The following NFIB variants were observed in gnomAD, a reference collection of about 807,000 sequenced individuals.
The protein encoded by NFIB is nuclear factor I B.
A neutral mutation model predicts 61.5 loss-of-function variants in NFIB; 11 were observed. The observed-to-expected ratio is 0.18, with a 90% confidence interval of 0.11 to 0.30. The LOEUF (loss-of-function observed/expected upper bound fraction) is 0.30, where lower values mean the gene tolerates loss of function less well. NFIB is among the 10% of genes least tolerant of loss of function. The pLI, the probability that NFIB is intolerant of heterozygous loss-of-function variation, is 1.00. For missense variants in NFIB, 471 were observed against 608.9 expected, an observed-to-expected ratio of 0.77 and a Z score of 2.38; for synonymous variants, 260 against 216.5, an observed-to-expected ratio of 1.20 and a Z score of -1.76.
intron 2 of NFIB, among the ~76,000 whole-genome samples, chr9:14,222,151 T>G (rs2051751693): frequency 6.6e-6 from 1 of 152,236 alleles, no homozygotes; most frequent in Non-Finnish European, 1.5e-5. Flanking sequence ...TGTTTCCAGT[T>G]CATCTTTCCA....
intron 1 of NFIB, among the ~76,000 whole-genome samples, chr9:14,326,038 A>T (rs2060748308): frequency 6.6e-6 from 1 of 152,216 alleles, no homozygotes; most frequent in Non-Finnish European, 1.5e-5. Context: ...TTAAATTAGG[A>T]CATTTATAAA....
intron 2 of NFIB, among the ~76,000 whole-genome samples, chr9:14,291,941 T>G: frequency 6.6e-6 from 1 of 152,170 alleles, no homozygotes; most frequent in East Asian, 1.9e-4. Flanking sequence ...TGCAATTTAG[T>G]GTATCTTCCA....
At chr9:14,305,315 C>T (rs1321528515) in intron 2 of NFIB, among the ~76,000 whole-genome samples, 1 of 152,152 alleles carries the variant, frequency 6.6e-6, no homozygotes, top group East Asian at 1.9e-4. Flanking sequence ...TCCCTCCCTG[C>T]ACTAAAAAGT....
chr9:14,403,143 C>A (rs1282758828), upstream of NFIB, among the ~76,000 whole-genome samples: 1 of 152,178 alleles, frequency 6.6e-6, no homozygotes, highest in African/African-American at 2.4e-5. Context: ...TTTATCCCAG[C>A]CCCTTTTCAA....
At chr9:14,225,622 T>C (rs2052297532) in intron 2 of NFIB, among the ~76,000 whole-genome samples, 1 of 148,388 alleles carries the variant, frequency 6.7e-6, no homozygotes, top group South Asian at 2.1e-4. Context: ...AGAAACAACA[T>C]GAAAAAATCA....
At chr9:14,372,092 TG>T (rs2061364642) in intron 1 of NFIB, among the ~76,000 whole-genome samples, 1 of 151,554 alleles carries the variant, frequency 6.6e-6, no homozygotes, top group Admixed American at 6.6e-5. Context: ...ACCATCTGAA[TG>T]TCAGCCCTGC....
intron 2 of NFIB, among the ~76,000 whole-genome samples, chr9:14,259,022 G>A (rs1490620095): frequency 6.6e-6 from 1 of 152,116 alleles, no homozygotes; most frequent in Admixed American, 6.6e-5. Context: ...TGGGGAGTGG[G>A]GGAGTGGTAT....
At chr9:14,247,137 T>C (rs1224836415) in intron 2 of NFIB, among the ~76,000 whole-genome samples, 1 of 152,156 alleles carries the variant, frequency 6.6e-6, no homozygotes, top group Admixed American at 6.5e-5. Context: ...AGAAAAGAAA[T>C]TTCTACCATT....
the NFIB span, among the ~76,000 whole-genome samples, chr9:14,438,729 G>T: frequency 6.6e-6 from 1 of 152,148 alleles, no homozygotes; most frequent in Admixed American, 6.5e-5. Flanking sequence ...GGTGGGCCAG[G>T]CCTCTATTTG....
the NFIB span, among the ~76,000 whole-genome samples, chr9:14,528,611 A>C: frequency 2.0e-5 from 3 of 152,284 alleles, no homozygotes; most frequent in South Asian, 6.2e-4. Flanking sequence ...AAGTAAACTT[A>C]CAAATGTTCT....
chr9:14,150,303 C>T (rs371447154), intron 4 of NFIB, 38 bp from the exon 5 acceptor site: 3 of 1,611,908 alleles, frequency 1.9e-6, no homozygotes, highest in Middle Eastern at 1.7e-4. Flanking sequence ...GAATGACATT[C>T]GTATTTCTGA....
chr9:14,357,577 A>G (rs2061191070), intron 1 of NFIB: 1 of 152,228 alleles, frequency 6.6e-6, no homozygotes, highest in African/African-American at 2.4e-5. Flanking sequence ...GATATTTCTG[A>G]GTTAACTCCT....
intron 2 of NFIB, among the ~76,000 whole-genome samples, chr9:14,245,888 T>G (rs912371373): frequency 6.6e-6 from 1 of 151,848 alleles, no homozygotes; most frequent in Non-Finnish European, 1.5e-5. Flanking sequence ...ATGATAATAA[T>G]AATAAGTACA....
the NFIB span, among the ~76,000 whole-genome samples, chr9:14,523,525 G>A: frequency 8.6e-5 from 13 of 152,026 alleles, no homozygotes; most frequent in East Asian, 1.9e-3. Context: ...TCCCGACATC[G>A]CCATAAATGT....
chr9:14,363,139 C>T (rs1479266186), intron 1 of NFIB, among the ~76,000 whole-genome samples: 4 of 152,066 alleles, frequency 2.6e-5, no homozygotes, highest in Non-Finnish European at 5.9e-5. Context: ...AGAAGTTGCA[C>T]CAAATTTTAG....
At chr9:14,148,402 C>T (rs1465503916) in intron 5 of NFIB, among the ~76,000 whole-genome samples, 1 of 152,102 alleles carries the variant, frequency 6.6e-6, no homozygotes, top group African/African-American at 2.4e-5. Context: ...CTGTGAGTCA[C>T]TGTGCCCAGT....
At chr9:14,527,150 C>T in the NFIB span, among the ~76,000 whole-genome samples, 2 of 151,616 alleles carry the variant, frequency 1.3e-5, no homozygotes, top group African/African-American at 4.8e-5. Context: ...AATGGTACCA[C>T]AAATGAAAAT....
At chr9:14,513,111 TTC>T in the NFIB span, among the ~76,000 whole-genome samples, 3 of 152,142 alleles carry the variant, frequency 2.0e-5, no homozygotes, top group African/African-American at 7.2e-5. Flanking sequence ...GCAGAAAGTA[TTC>T]TTTTATTAAA....
At chr9:14,173,957 T>C (rs2045863107) in intron 3 of NFIB, among the ~76,000 whole-genome samples, 1 of 152,196 alleles carries the variant, frequency 6.6e-6, no homozygotes, top group Non-Finnish European at 1.5e-5. Flanking sequence ...GTGGGCTGTA[T>C]ACAAGTTCCC....
Sources: gnomAD v4.1 joint callset for allele counts (sites outside exome capture counted in the v4.1 genomes callset) on GRCh38, gnomAD v4.1.1 for gene constraint, MANE v1.5 for transcripts, NCBI Gene and HGNC (gene_info 2026-07-23, HGNC 2026-07-21) for gene names.